The following ATP8A2 variants were observed in gnomAD, a reference collection of about 807,000 sequenced individuals.
ATP8A2 encodes phospholipid-transporting ATPase IB.
A neutral mutation model predicts 165.6 loss-of-function variants in ATP8A2; 100 were observed. The ratio of observed to expected loss-of-function variants is 0.60; its 90% CI spans 0.51 to 0.71. The LOEUF (loss-of-function observed/expected upper bound fraction) is 0.71. Ranked by LOEUF, ATP8A2 falls within the 30% of genes least tolerant of loss-of-function variation. The probability of loss-of-function intolerance (pLI) is 0.00; values close to 1 mark genes in which losing one functional copy is unlikely to be tolerated. For synonymous variants in ATP8A2, 543 were observed against 548.8 expected (o/e 0.99, Z 0.15); for missense variants, 1,227 against 1,479.5 (o/e 0.83, Z 2.80).
At chr13:25,992,280 G>T (rs1956411749) in intron 35 of ATP8A2, among the ~76,000 whole-genome samples, 1 of 147,190 alleles carries the variant, frequency 6.8e-6, no homozygotes, top group South Asian at 2.1e-4. Context: ...CTCTCTTTGT[G>T]GTTTTAGTCT....
intron 1 of ATP8A2, among the ~76,000 whole-genome samples, chr13:25,426,621 C>A (rs891152409): frequency 6.6e-6 from 1 of 152,056 alleles, no homozygotes; most frequent in Admixed American, 6.5e-5. Context: ...ACAGAGTGAA[C>A]CCTAATGCCA....
chr13:25,521,201 T>C (rs1031760873), intron 2 of ATP8A2, among the ~76,000 whole-genome samples: 1 of 152,182 alleles, frequency 6.6e-6, no homozygotes, highest in African/African-American at 2.4e-5. Context: ...TTTTAAAACA[T>C]ATTATTTTAT....
chr13:25,593,220 T>C (rs1346950182), intron 24 of ATP8A2, among the ~76,000 whole-genome samples: 2 of 152,120 alleles, frequency 1.3e-5, no homozygotes, highest in African/African-American at 4.8e-5. Flanking sequence ...AGGGCTCCAA[T>C]AACAATGCAG....
At chr13:25,462,583 T>C (rs1430401393) in intron 1 of ATP8A2, among the ~76,000 whole-genome samples, 1 of 152,182 alleles carries the variant, frequency 6.6e-6, no homozygotes, top group East Asian at 1.9e-4. Flanking sequence ...CAAGTTTTTA[T>C]TGGGGTTTCA....
At chr13:25,701,464 G>A (rs1026895820) in intron 25 of ATP8A2, among the ~76,000 whole-genome samples, 6 of 152,060 alleles carry the variant, frequency 3.9e-5, no homozygotes, top group Non-Finnish European at 7.4e-5. Flanking sequence ...CCTCAGAGCC[G>A]TGAGTCATGG....
intron 30 of ATP8A2, among the ~76,000 whole-genome samples, chr13:25,858,031 G>A (rs1047970441): frequency 2.0e-5 from 3 of 152,156 alleles, no homozygotes; most frequent in Non-Finnish European, 4.4e-5. Context: ...TAGGCTGTAA[G>A]TAAATATTTG....
At chr13:25,968,745 C>A in intron 35 of ATP8A2, 66 bp downstream of exon 35, 5 of 1,297,250 alleles carry the variant, frequency 3.9e-6, no homozygotes. Context: ...TTATTCCTTC[C>A]TGTATTTCTT....
At chr13:25,657,085 A>T (rs2041948871) in intron 24 of ATP8A2, among the ~76,000 whole-genome samples, 1 of 145,314 alleles carries the variant, frequency 6.9e-6, no homozygotes, top group Non-Finnish European at 1.5e-5. Context: ...AAAAAAAGAC[A>T]GATAGTTTTC....
intron 25 of ATP8A2, among the ~76,000 whole-genome samples, chr13:25,732,751 G>A (rs1022020065): frequency 1.3e-5 from 2 of 151,886 alleles, no homozygotes; most frequent in Non-Finnish European, 2.9e-5. Flanking sequence ...TAACAATTAG[G>A]AAAAATATAT....
intron 27 of ATP8A2, among the ~76,000 whole-genome samples, chr13:25,802,644 G>A (rs927527): frequency 0.99 from 150,553 of 152,320 alleles, 74,419 homozygotes; most frequent in East Asian, 1. Flanking sequence ...GTTGTAAAAT[G>A]GAAGCCTGAT....
intron 30 of ATP8A2, among the ~76,000 whole-genome samples, chr13:25,858,835 C>T (rs12873179): frequency 0.2 from 30,442 of 151,988 alleles, 3,337 homozygotes; most frequent in Non-Finnish European, 0.25. Flanking sequence ...ACATTGAGTA[C>T]ACATGAACAT....
intron 33 of ATP8A2, among the ~76,000 whole-genome samples, chr13:25,903,738 C>A (rs1953841275): frequency 1.3e-5 from 2 of 152,102 alleles, no homozygotes; most frequent in Admixed American, 1.3e-4. Context: ...CAGCACTGCC[C>A]TCCTCAGTGG....
intron 26 of ATP8A2, among the ~76,000 whole-genome samples, chr13:25,771,044 C>T (rs1243726774): frequency 5.9e-5 from 9 of 152,208 alleles, no homozygotes; most frequent in Admixed American, 5.2e-4. Flanking sequence ...GCTCACAGTT[C>T]TGCAGATGCA....
At chr13:26,016,652 C>T (rs986756297) in intron 36 of ATP8A2, among the ~76,000 whole-genome samples, 3 of 152,168 alleles carry the variant, frequency 2.0e-5, no homozygotes, top group African/African-American at 7.2e-5. Flanking sequence ...CATGAGTTCC[C>T]CCCAACCAGG....
chr13:25,455,234 G>A (rs918001960), intron 1 of ATP8A2, among the ~76,000 whole-genome samples: 3 of 152,174 alleles, frequency 2.0e-5, no homozygotes, highest in Non-Finnish European at 4.4e-5. Context: ...GACCTGATAC[G>A]AGACTCCTTG....
intron 24 of ATP8A2, among the ~76,000 whole-genome samples, chr13:25,660,317 A>G (rs914727698): frequency 6.6e-6 from 1 of 152,200 alleles, no homozygotes; most frequent in Non-Finnish European, 1.5e-5. Flanking sequence ...CCAATGGTAT[A>G]TTCTGTAACA....
chr13:25,593,503 G>A (rs2040149889), intron 24 of ATP8A2, among the ~76,000 whole-genome samples: 1 of 152,194 alleles, frequency 6.6e-6, no homozygotes, highest in African/African-American at 2.4e-5. Flanking sequence ...GTGATGGTGT[G>A]CACCCCAGGG....
At chr13:25,613,768 A>G (rs1389954024) in intron 24 of ATP8A2, among the ~76,000 whole-genome samples, 4 of 152,076 alleles carry the variant, frequency 2.6e-5, no homozygotes, top group African/African-American at 7.2e-5. Context: ...TAGGACCCCA[A>G]TCTCTTTTAG....
At chr13:25,587,824 A>C (rs1362589413) in intron 23 of ATP8A2, among the ~76,000 whole-genome samples, 1 of 152,200 alleles carries the variant, frequency 6.6e-6, no homozygotes, top group Admixed American at 6.5e-5. Context: ...GGAAACAAAG[A>C]GTTTGATTAT....
Sources: gnomAD v4.1 joint callset for allele counts (sites outside exome capture counted in the v4.1 genomes callset) on GRCh38, gnomAD v4.1.1 for gene constraint, MANE v1.5 for transcripts, NCBI Gene and HGNC (gene_info 2026-07-23, HGNC 2026-07-21) for gene names.